Variants in KCNMB4 observed in about 807,000 individuals in gnomAD.
The protein encoded by KCNMB4 is potassium calcium-activated channel subfamily M regulatory beta subunit 4, also known as calcium-activated potassium channel subunit beta-4.
KCNMB4 carries 3 observed loss-of-function variants against 20.7 expected under a neutral mutation model. That is an observed-to-expected ratio of 0.14 (90% CI 0.07 to 0.37). KCNMB4 has a LOEUF of 0.37. KCNMB4 is among the 10% of genes least tolerant of loss of function. The pLI, the probability that KCNMB4 is intolerant of heterozygous loss-of-function variation, is 1.00. For missense variants in KCNMB4, 168 were observed against 265.9 expected (o/e 0.63, Z 2.56); for synonymous variants, 110 against 113.4 (o/e 0.97, Z 0.19).
intron 1 of KCNMB4, among the ~76,000 whole-genome samples, chr12:70,382,512 A>G (rs1481039169): frequency 1.3e-5 from 2 of 151,824 alleles, no homozygotes; most frequent in Non-Finnish European, 2.9e-5. Flanking sequence ...GGGTAAATAT[A>G]TATTTTATAC....
intron 1 of KCNMB4, among the ~76,000 whole-genome samples, chr12:70,388,441 G>A (rs1003435043): frequency 4.6e-5 from 7 of 152,048 alleles, no homozygotes; most frequent in Admixed American, 4.6e-4. Flanking sequence ...TCTCCAAACT[G>A]TTCTCCCTAG....
At chr12:70,429,763 C>T (rs867796038) in intron 2 of KCNMB4, among the ~76,000 whole-genome samples, 134 of 152,026 alleles carry the variant, frequency 8.8e-4, no homozygotes, top group African/African-American at 3.1e-3. Flanking sequence ...ATCTCATCTT[C>T]ACTTTCTGTG....
Position 70,430,511 on chromosome 12 carries a change from C to G in KCNMB4, c.491C>G (p.Thr164Ser), listed in dbSNP as rs778607987. Residue 164 changes from threonine to serine, a missense_variant, in exon 3 of 3, where the codon ACT (threonine) becomes AGT (serine). Physicochemically the swap from Thr to Ser is moderately conservative, Grantham distance 58. Transcript: ENST00000258111. Reference protein sequence around the residue: ...QRPDDVLLHRTHDEIVLLHCF... With the variant: ...QRPDDVLLHRSHDEIVLLHCF... ...CCAGATGATGTGCTTCTGCATCGCA[C>G]TCATGATGAGATTGTCCTCCTGCAT... 23 of 1,613,072 alleles carry G rather than the reference C, an allele frequency of 1.4e-5. 1 individual carries two copies. The South Asian group carries it at 2.5e-4, about 18-fold the overall frequency.
Position 70,400,108 on chromosome 12 carries a change from T to G in KCNMB4, c.337-101T>G. On this transcript the variant is annotated intron_variant, in intron 1 of 2. Transcript: ENST00000258111. Reference sequence around the variant, plus strand: ...TATTTAAAAATTAGGGAGGCCTAAATTAGATTTACTGTCTTTATAATGCCA... The same window carrying G: ...TATTTAAAAATTAGGGAGGCCTAAAGTAGATTTACTGTCTTTATAATGCCA... 2.2e-6 allele frequency: 2 copies of G among 919,916 alleles called. 1 individual carries two copies. Among genetic ancestry groups the G allele is most frequent in the South Asian group, 6.1e-5 (2 of 32,622 alleles). 57.0% of individuals were successfully genotyped at this position (919,916 alleles called of 1,614,324 possible).
At chr12:70,374,136 G>T (rs1349304486) in intron 1 of KCNMB4, among the ~76,000 whole-genome samples, 1 of 152,058 alleles carries the variant, frequency 6.6e-6, no homozygotes, top group East Asian at 1.9e-4. Flanking sequence ...GCATAAAAAA[G>T]AATCAGAAAC....
chr12:70,368,991 C>T (rs576310115), intron 1 of KCNMB4, among the ~76,000 whole-genome samples: 1 of 152,248 alleles, frequency 6.6e-6, no homozygotes, highest in African/African-American at 2.4e-5. Flanking sequence ...TCTCTCTCCC[C>T]TGAAAATAAT....
chr12:70,395,338 A>T (rs1868341843), intron 1 of KCNMB4, among the ~76,000 whole-genome samples: 1 of 152,138 alleles, frequency 6.6e-6, no homozygotes, highest in African/African-American at 2.4e-5. Context: ...CCAGTCCCTG[A>T]TATTTAACTA....
chr12:70,385,364 C>A lies in KCNMB4; in HGVS notation c.337-14845C>A, dbSNP rs150118804. Among the ~76,000 whole-genome samples, 198 of 152,314 alleles carry A rather than the reference C, an allele frequency of 1.3e-3. 4 individuals are homozygous for A. The East Asian group carries it at 0.028, about 21-fold the overall frequency. On this transcript the variant is annotated intron_variant, in intron 1 of 2. Transcript: ENST00000258111. ...ATTTGAGAGCATCTACCTCCTCAAT[C>A]TGTTGAGCTTTCTTTCATCTAGCTT...
intron 1 of KCNMB4, among the ~76,000 whole-genome samples, chr12:70,374,195 T>A (rs1883646970): frequency 6.6e-6 from 1 of 152,260 alleles, no homozygotes; most frequent in Non-Finnish European, 1.5e-5. Flanking sequence ...CAGTTATAAT[T>A]TGCTTACAAA....
chr12:70,367,158 CGT>C (rs1883510036), intron 1 of KCNMB4, 88 bp downstream of exon 1: 1 of 1,071,324 alleles, frequency 9.3e-7, no homozygotes, highest in Non-Finnish European at 1.3e-6. Flanking sequence ...GAGGGTTCGG[CGT>C]GTGCTCGCAT....
At position 70,366,921 on chromosome 12, in the gene KCNMB4, G is replaced by C. The variant is rs1883504936; in HGVS notation, c.187G>C (p.Gly63Arg). Residue 63 changes from glycine to arginine, a missense_variant, in exon 1 of 3, where the codon GGC (glycine) becomes CGC (arginine). Transcript: ENST00000258111. ...NCTVLSVQQI[G>R]EVFECTFTCG... ...CACGGTGCTGTCGGTGCAGCAGATC[G>C]GCGAGGTGTTCGAGTGCACCTTCAC... The C allele has an allele frequency of 3.7e-6, 6 of 1,613,064 alleles. No homozygotes were observed. Among genetic ancestry groups the C allele is most frequent in the Non-Finnish European group, 5.1e-6 (6 of 1,179,686 alleles).
intron 1 of KCNMB4, among the ~76,000 whole-genome samples, chr12:70,371,349 A>G (rs1883591080): frequency 6.6e-6 from 1 of 152,178 alleles, no homozygotes. Flanking sequence ...GATGTACCTA[A>G]CTACAGGGCG....
At chr12:70,391,163 T>C (rs1868295851) in intron 1 of KCNMB4, among the ~76,000 whole-genome samples, 2 of 152,190 alleles carry the variant, frequency 1.3e-5, no homozygotes, top group Admixed American at 6.5e-5. Flanking sequence ...TTTTATACTT[T>C]CAGGTATGTA....
At chr12:70,423,523 C>G (rs1011051073) in intron 2 of KCNMB4, among the ~76,000 whole-genome samples, 1 of 151,862 alleles carries the variant, frequency 6.6e-6, no homozygotes. Flanking sequence ...GCTGGAATGC[C>G]GTGGTGCAAT....
intron 2 of KCNMB4, among the ~76,000 whole-genome samples, chr12:70,418,574 G>T (rs983053139): frequency 6.6e-6 from 1 of 152,126 alleles, no homozygotes; most frequent in Non-Finnish European, 1.5e-5. Flanking sequence ...AAAAGATTTT[G>T]AAGATTTTGA....
chr12:70,369,980 C>A (rs1883561939), intron 1 of KCNMB4, among the ~76,000 whole-genome samples: 1 of 152,148 alleles, frequency 6.6e-6, no homozygotes, highest in Non-Finnish European at 1.5e-5. Context: ...TGGTGACTCA[C>A]AGTTGTATAT....
intron 1 of KCNMB4, among the ~76,000 whole-genome samples, chr12:70,374,657 A>G (rs1192357025): frequency 6.6e-6 from 1 of 152,174 alleles, no homozygotes; most frequent in Non-Finnish European, 1.5e-5. Context: ...GGATACATTT[A>G]TTTTAAGTAA....
chr12:70,392,172 T>C (rs1868305397), intron 1 of KCNMB4, among the ~76,000 whole-genome samples: 1 of 152,194 alleles, frequency 6.6e-6, no homozygotes, highest in African/African-American at 2.4e-5. Flanking sequence ...AATGAAGCCA[T>C]CTGAATGTGT....
At chr12:70,377,913 A>G (rs1023084621) in intron 1 of KCNMB4, among the ~76,000 whole-genome samples, 2 of 151,118 alleles carry the variant, frequency 1.3e-5, no homozygotes, top group East Asian at 1.9e-4. Flanking sequence ...AATTCAAGCT[A>G]TACTTCTAAT....
Sources: gnomAD v4.1 joint callset for allele counts (sites outside exome capture counted in the v4.1 genomes callset) on GRCh38, gnomAD v4.1.1 for gene constraint, MANE v1.5 for transcripts, NCBI Gene and HGNC (gene_info 2026-07-23, HGNC 2026-07-21) for gene names.